Variants in AP4E1 observed in about 807,000 individuals in gnomAD.
The protein encoded by AP4E1 is adaptor related protein complex 4 subunit epsilon 1.
AP4E1 carries 56 observed loss-of-function variants against 128.2 expected under a neutral mutation model. The observed-to-expected ratio is 0.44, with a 90% CI of 0.35 to 0.55. The LOEUF (loss-of-function observed/expected upper bound fraction) is 0.55. AP4E1 is among the 20% of genes least tolerant of loss of function. The probability of loss-of-function intolerance (pLI) is 0.00; values close to 1 mark genes in which losing one functional copy is unlikely to be tolerated. For synonymous variants in AP4E1, 484 were observed against 473.1 expected (o/e 1.02, Z -0.30); for missense variants, 1,324 against 1,307.7 (o/e 1.01, Z -0.19).
Position 51,001,130 on chromosome 15 carries a change from C to A in AP4E1, c.3200C>A (p.Ser1067Tyr). 1.9e-6 allele frequency: 3 copies of A among 1,613,686 alleles called. No homozygotes were observed. Among genetic ancestry groups the A allele is most frequent in the Non-Finnish European group, 2.5e-6 (3 of 1,179,746 alleles). ...KMSESQAALP[S>Y]ALKTLQQKLR... is the part of the protein sequence containing the mutation. ...TCAGAATCTCAAGCTGCACTTCCTT[C>A]TGCACTAAAGACTCTGCAACAGAAA... is the stretch of plus-strand genomic sequence containing the variant. The change falls in exon 20 of 21, where the codon TCT becomes TAT. Residue 1067 changes from serine to tyrosine, a missense_variant. By Grantham distance (144) the Ser-to-Tyr change is moderately radical. Coordinates refer to ENST00000261842, the MANE Select transcript of AP4E1 (RefSeq NM_007347.5).
At chr15:51,000,716 T>A (rs1418355784) in intron 19 of AP4E1, among the ~76,000 whole-genome samples, 1 of 152,204 alleles carries the variant, frequency 6.6e-6, no homozygotes, top group Non-Finnish European at 1.5e-5. Flanking sequence ...GAAAGAAAAG[T>A]TCTGTATTAT....
chr15:50,994,902 A>G (rs1181203513), intron 17 of AP4E1, among the ~76,000 whole-genome samples: 1 of 152,168 alleles, frequency 6.6e-6, no homozygotes, highest in Admixed American at 6.5e-5. Context: ...TTTTTCTGTT[A>G]ATGATGCTAA....
At chr15:50,986,089 C>G (rs1454526448) in intron 16 of AP4E1, among the ~76,000 whole-genome samples, 1 of 152,124 alleles carries the variant, frequency 6.6e-6, no homozygotes, top group Non-Finnish European at 1.5e-5. Flanking sequence ...AATGGGAGTT[C>G]ACTCATGATT....
rs2063531187 is a variant in AP4E1, at chr15:50,908,947, G to A, written c.150+19G>A. On this transcript the variant is annotated intron_variant, in intron 1 of 20. Transcript: ENST00000261842. Reference sequence around the variant, plus strand: ...CAAGCACGTAGGTGCCCGCCGGCCCGGGAGCTCAGGGACATCGGAGTGAGG... The same window carrying A: ...CAAGCACGTAGGTGCCCGCCGGCCCAGGAGCTCAGGGACATCGGAGTGAGG... 6.2e-7 allele frequency: 1 copy of A among 1,609,894 alleles called. No individual in the cohort carries two copies. The highest frequency in any genetic ancestry group is 8.5e-7 in the Non-Finnish European group (1 of 1,179,226).
Position 50,955,690 on chromosome 15 carries a change from C to G in AP4E1, c.1549-2802C>G, listed in dbSNP as rs575919384. ...AGAAAGGCAGGGACACTGTATTTCT[C>G]CTTGGTGGAGGTGAGGTGCAGGCTC... On this transcript the variant is annotated intron_variant, in intron 13 of 20. Coordinates refer to ENST00000261842, the MANE Select transcript of AP4E1 (RefSeq NM_007347.5). Among the ~76,000 whole-genome samples, 4 of 152,298 alleles carry G rather than the reference C, an allele frequency of 2.6e-5. No homozygotes were observed. In the South Asian group the frequency reaches 8.3e-4, roughly 32 times the overall value.
chr15:50,919,517 A>G (rs2063668621), intron 3 of AP4E1, among the ~76,000 whole-genome samples: 1 of 150,946 alleles, frequency 6.6e-6, no homozygotes, highest in African/African-American at 2.4e-5. Flanking sequence ...GGGCTACAAG[A>G]GTGAAATTCC....
intron 16 of AP4E1, among the ~76,000 whole-genome samples, chr15:50,990,978 A>G (rs1306347102): frequency 2.0e-5 from 3 of 152,172 alleles, no homozygotes; most frequent in Non-Finnish European, 2.9e-5. Flanking sequence ...TTAAGATGCA[A>G]TGCATTGCCG....
chr15:50,961,730 C>A (rs1470957743), intron 14 of AP4E1, among the ~76,000 whole-genome samples: 2 of 152,024 alleles, frequency 1.3e-5, no homozygotes, highest in Non-Finnish European at 2.9e-5. Context: ...TCCTATTCAA[C>A]ATAGTACTGG....
At position 50,983,469 on chromosome 15, in the gene AP4E1, G is replaced by A. The variant is rs12101668; in HGVS notation, c.1967-553G>A. On this transcript the variant is annotated intron_variant, in intron 15 of 20. Coordinates refer to ENST00000261842, the MANE Select transcript of AP4E1 (RefSeq NM_007347.5). ...GGTTTATTACATAGAAAGAAAGGGAGAGTGGATATTGGCATCTGTCCTACC... is the reference window on the plus strand; with the variant it reads ...GGTTTATTACATAGAAAGAAAGGGAAAGTGGATATTGGCATCTGTCCTACC... Among the ~76,000 whole-genome samples, 757 of 152,296 alleles carry A rather than the reference G, an allele frequency of 5.0e-3. 10 individuals carry two copies. The highest frequency in any genetic ancestry group is 0.018 in the African/African-American group (734 of 41,566).
chr15:50,923,251 C>T (rs976384188), intron 3 of AP4E1, among the ~76,000 whole-genome samples: 5 of 152,148 alleles, frequency 3.3e-5, no homozygotes, highest in Non-Finnish European at 7.3e-5. Flanking sequence ...ATTATATGTA[C>T]ATGGCATTTG....
At chr15:50,961,177 A>T (rs1299757863) in intron 14 of AP4E1, among the ~76,000 whole-genome samples, 1 of 152,076 alleles carries the variant, frequency 6.6e-6, no homozygotes, top group Non-Finnish European at 1.5e-5. Context: ...TGGCAAATTT[A>T]TAAAGAAGAA....
At chr15:50,981,803 G>A (rs1033534795) in intron 15 of AP4E1, among the ~76,000 whole-genome samples, 9 of 151,990 alleles carry the variant, frequency 5.9e-5, no homozygotes, top group African/African-American at 1.4e-4. Flanking sequence ...AAGCAAGTTC[G>A]GGCCAGATGC....
chr15:50,926,348 G>A (rs921608124), intron 5 of AP4E1, among the ~76,000 whole-genome samples: 1 of 151,680 alleles, frequency 6.6e-6, no homozygotes, highest in Non-Finnish European at 1.5e-5. Flanking sequence ...ATCTTGGCCC[G>A]GCTGATCTTG....
chr15:50,943,560 C>T (rs999318138), intron 10 of AP4E1, among the ~76,000 whole-genome samples: 2 of 152,074 alleles, frequency 1.3e-5, no homozygotes, highest in Non-Finnish European at 2.9e-5. Context: ...ATTATACAGC[C>T]GTTCTGCTTT....
intron 16 of AP4E1, among the ~76,000 whole-genome samples, chr15:50,989,039 A>G (rs1432271567): frequency 6.6e-6 from 1 of 152,226 alleles, no homozygotes; most frequent in African/African-American, 2.4e-5. Context: ...TAAGTGATTG[A>G]TAAATGGTAG....
chr15:50,979,487 T>C (rs945514277), intron 15 of AP4E1, among the ~76,000 whole-genome samples: 1 of 152,212 alleles, frequency 6.6e-6, no homozygotes, highest in Admixed American at 6.5e-5. Context: ...TGCTCTTAGA[T>C]AGCTCAGCCT....
intron 4 of AP4E1, 74 bp downstream of exon 4, chr15:50,924,078 C>G: frequency 8.0e-7 from 1 of 1,244,104 alleles, no homozygotes; most frequent in Non-Finnish European, 1.2e-6. Flanking sequence ...CGATCATATT[C>G]AACTAGATGA....
chr15:51,002,864 T>C lies in AP4E1; in HGVS notation c.*202T>C. On this transcript the variant is annotated 3_prime_UTR_variant, in exon 21 of 21. Transcript: ENST00000261842. ...ACCTTTAACTCAGGATTGTACAGTA[T>C]GTTTAGGTCCCTCAAAAAGTGACCT... 1.6e-6 allele frequency: 1 copy of C among 618,048 alleles called. No individual in the cohort carries two copies. The allele number at this position is 618,048 out of a possible 1,614,324, so 38.3% of individuals were successfully genotyped here.
intron 16 of AP4E1, among the ~76,000 whole-genome samples, chr15:50,987,921 C>T (rs2064750841): frequency 6.6e-6 from 1 of 152,060 alleles, no homozygotes; most frequent in Admixed American, 6.6e-5. Context: ...AAAATATGTA[C>T]AAGCTTTATA....
Sources: gnomAD v4.1 joint callset for allele counts (sites outside exome capture counted in the v4.1 genomes callset) on GRCh38, gnomAD v4.1.1 for gene constraint, MANE v1.5 for transcripts, NCBI Gene and HGNC (gene_info 2026-07-23, HGNC 2026-07-21) for gene names.